DNAI3: variants seen among roughly 807,000 people sequenced by gnomAD.
DNAI3 encodes dynein axonemal intermediate chain 3, also known as WD repeat domain 63.
A neutral mutation model predicts 115.5 loss-of-function variants in DNAI3; 83 were observed. The ratio of observed to expected loss-of-function variants is 0.72; its 90% CI spans 0.60 to 0.86. The LOEUF is 0.86. Among genes scored for constraint, DNAI3 ranks in the 40% least tolerant of loss-of-function variants. The probability of loss-of-function intolerance (pLI) is 0.00; values close to 1 mark genes in which losing one functional copy is unlikely to be tolerated. For synonymous variants in DNAI3, 320 were observed against 347.0 expected (o/e 0.92, Z 0.86); for missense variants, 1,004 against 1,075.8 (o/e 0.93, Z 0.93).
intron 3 of DNAI3, among the ~76,000 whole-genome samples, chr1:85,076,761 G>A (rs2100561452): frequency 6.6e-6 from 1 of 152,278 alleles, no homozygotes; most frequent in Non-Finnish European, 1.5e-5. Flanking sequence ...TGAGATTTGG[G>A]TGGGGACACA....
chr1:85,065,526 T>C (rs991877000), intron 1 of DNAI3, among the ~76,000 whole-genome samples: 11 of 152,208 alleles, frequency 7.2e-5, no homozygotes, highest in African/African-American at 2.7e-4. Context: ...CAGTCTGAGG[T>C]TGGACAGGCA....
chr1:85,079,161 T>C (rs931741263), intron 3 of DNAI3, among the ~76,000 whole-genome samples: 1 of 152,222 alleles, frequency 6.6e-6, no homozygotes, highest in Non-Finnish European at 1.5e-5. Flanking sequence ...CATTCAACAC[T>C]ACAAATGCAG....
intron 13 of DNAI3, 138 bp from the exon 14 acceptor site, chr1:85,104,386 G>C: frequency 1.6e-6 from 1 of 632,232 alleles, no homozygotes; most frequent in Non-Finnish European, 2.7e-6. Flanking sequence ...CTATCAGAAT[G>C]CTGGGATTAC....
chr1:85,089,713 C>T (rs1654910626), intron 7 of DNAI3, among the ~76,000 whole-genome samples: 1 of 151,616 alleles, frequency 6.6e-6, no homozygotes, highest in Admixed American at 6.6e-5. Flanking sequence ...TAGACATTGC[C>T]AAATGTCCCA....
At chr1:85,116,834 A>G (rs1165304149) in intron 16 of DNAI3, among the ~76,000 whole-genome samples, 1 of 152,162 alleles carries the variant, frequency 6.6e-6, no homozygotes, top group African/African-American at 2.4e-5. Flanking sequence ...GGGAAAAGAT[A>G]CGTCTCAAAA....
intron 19 of DNAI3, among the ~76,000 whole-genome samples, chr1:85,125,135 G>A (rs1393905128): frequency 2.6e-5 from 4 of 152,006 alleles, no homozygotes. Flanking sequence ...GTGAAGCAAG[G>A]GTGTGGGGGA....
intron 3 of DNAI3, among the ~76,000 whole-genome samples, chr1:85,075,127 A>G (rs1312680522): frequency 6.6e-6 from 1 of 152,090 alleles, no homozygotes; most frequent in African/African-American, 2.4e-5. Context: ...TCCTGGGCTC[A>G]AGGGATCCTC....
chr1:85,108,777 T>C (rs530051088), intron 15 of DNAI3, among the ~76,000 whole-genome samples: 1 of 152,114 alleles, frequency 6.6e-6, no homozygotes, highest in Non-Finnish European at 1.5e-5. Context: ...CTTCTTTCCT[T>C]CCCCCTTACA....
chr1:85,090,869 G>A (rs1036130327), intron 8 of DNAI3, among the ~76,000 whole-genome samples: 1 of 152,200 alleles, frequency 6.6e-6, no homozygotes, highest in Non-Finnish European at 1.5e-5. Flanking sequence ...TGGAGGACAA[G>A]TCTGCCAGTT....
At chr1:85,078,124 A>T (rs1037051166) in intron 3 of DNAI3, among the ~76,000 whole-genome samples, 1 of 152,074 alleles carries the variant, frequency 6.6e-6, no homozygotes, top group East Asian at 1.9e-4. Context: ...TGTGTAGAGA[A>T]GCAGGACCCT....
At chr1:85,111,512 C>T (rs191314840) in intron 16 of DNAI3, among the ~76,000 whole-genome samples, 8 of 152,212 alleles carry the variant, frequency 5.3e-5, no homozygotes, top group Admixed American at 5.2e-4. Context: ...GTGCTAGGCC[C>T]CAGGGGTACG....
rs995762137 is a variant in DNAI3 at position 85,094,197 on chromosome 1, C to G, written c.1049-234C>G. 5.4e-6 allele frequency: 3 copies of G among 552,400 alleles called. No individual in the cohort carries two copies. The African/African-American group carries it at 5.7e-5, about 10-fold the overall frequency. 34.2% of individuals were successfully genotyped at this position (552,400 alleles called of 1,614,324 possible). ...TTTTCTTCCAAAATCTTCTGAGTCCCCTGTATATTTTATACTAACAGTACA... is the reference window on the plus strand; with the variant it reads ...TTTTCTTCCAAAATCTTCTGAGTCCGCTGTATATTTTATACTAACAGTACA... On this transcript the variant is annotated intron_variant, in intron 9 of 22. Coordinates refer to ENST00000294664, the MANE Select transcript of DNAI3 (RefSeq NM_145172.5).
intron 7 of DNAI3, among the ~76,000 whole-genome samples, chr1:85,088,866 A>G (rs1269734350): frequency 6.6e-6 from 1 of 152,072 alleles, no homozygotes; most frequent in East Asian, 1.9e-4. Flanking sequence ...CTGTCTAGAG[A>G]GCAGAAATTA....
chr1:85,066,633 T>C, intron 1 of DNAI3, among the ~76,000 whole-genome samples: 1 of 152,130 alleles, frequency 6.6e-6, no homozygotes, highest in Non-Finnish European at 1.5e-5. Context: ...TGGCCTCTTC[T>C]GCGACTCTTA....
At chr1:85,093,713 G>C (rs41289039) in intron 9 of DNAI3, 65 bp downstream of exon 9, 99,297 of 1,594,640 alleles carry the variant, frequency 0.062, 3,372 homozygotes, top group East Asian at 0.13. Context: ...GCTTTCATAT[G>C]TAAAATTGCA....
intron 3 of DNAI3, among the ~76,000 whole-genome samples, chr1:85,077,006 G>C (rs1441684716): frequency 1.3e-5 from 2 of 152,120 alleles, no homozygotes; most frequent in African/African-American, 4.8e-5. Flanking sequence ...TCATAAGACT[G>C]ATGTGGAAAT....
chr1:85,087,467 A>AG, intron 7 of DNAI3, among the ~76,000 whole-genome samples: 1 of 150,520 alleles, frequency 6.6e-6, no homozygotes, highest in African/African-American at 2.4e-5. Flanking sequence ...AAAGAAAGAA[A>AG]GAAAAAAAAA....
intron 3 of DNAI3, among the ~76,000 whole-genome samples, chr1:85,076,647 AC>A (rs938447929): frequency 1.3e-5 from 2 of 152,096 alleles, no homozygotes; most frequent in African/African-American, 4.8e-5. Flanking sequence ...CCTTTATAAA[AC>A]CATCAGGTCT....
chr1:85,131,172 C>T (rs749304332), intron 22 of DNAI3, among the ~76,000 whole-genome samples: 7 of 151,966 alleles, frequency 4.6e-5, no homozygotes, highest in East Asian at 1.9e-4. Flanking sequence ...TGGCACTGGG[C>T]GCCGTGGCTC....
Sources: gnomAD v4.1 joint callset for allele counts (sites outside exome capture counted in the v4.1 genomes callset) on GRCh38, gnomAD v4.1.1 for gene constraint, MANE v1.5 for transcripts, NCBI Gene and HGNC (gene_info 2026-07-23, HGNC 2026-07-21) for gene names.